The following XKR6 variants were observed in gnomAD, a reference collection of about 807,000 sequenced individuals.
The protein encoded by XKR6 is XK-related protein 6.
Under a neutral mutation model 56.7 loss-of-function variants are expected in XKR6, and 22 were observed. The ratio of observed to expected loss-of-function variants is 0.39; its 90% CI spans 0.28 to 0.55. The LOEUF (loss-of-function observed/expected upper bound fraction) is 0.55. XKR6 is among the 20% of genes least tolerant of loss of function. XKR6 has a pLI of 0.66. For synonymous variants in XKR6, 524 were observed against 387.8 expected, an observed-to-expected ratio of 1.35 and a Z score of -4.13; for missense variants, 852 against 889.0, an observed-to-expected ratio of 0.96 and a Z score of 0.53.
intron 1 of XKR6, among the ~76,000 whole-genome samples, chr8:11,093,227 G>A (rs553972391): frequency 2.0e-5 from 3 of 151,880 alleles, no homozygotes; most frequent in Non-Finnish European, 1.5e-5. Context: ...GGCTAATTTT[G>A]TATTTTTAGT....
At chr8:11,189,625 A>G (rs1803445668) in intron 1 of XKR6, among the ~76,000 whole-genome samples, 1 of 152,178 alleles carries the variant, frequency 6.6e-6, no homozygotes, top group African/African-American at 2.4e-5. Context: ...TTCCCAAGCA[A>G]TTCTAACATA....
intron 1 of XKR6, among the ~76,000 whole-genome samples, chr8:11,029,767 G>T (rs984846490): frequency 1.3e-5 from 2 of 151,988 alleles, no homozygotes; most frequent in Admixed American, 1.3e-4. Context: ...CCTTTAGCCA[G>T]TCCCCTGGAA....
chr8:11,110,760 C>G (rs993047577), intron 1 of XKR6, among the ~76,000 whole-genome samples: 4 of 152,110 alleles, frequency 2.6e-5, no homozygotes, highest in Non-Finnish European at 5.9e-5. Context: ...TTCCAATGGT[C>G]GAGAACACAT....
intron 1 of XKR6, among the ~76,000 whole-genome samples, chr8:11,110,795 A>T (rs974003539): frequency 5.3e-5 from 8 of 152,018 alleles, no homozygotes; most frequent in Admixed American, 4.6e-4. Flanking sequence ...AAAGTAGCCC[A>T]CAGTTTTAAA....
chr8:11,044,379 A>G (rs1799356842), intron 1 of XKR6, among the ~76,000 whole-genome samples: 1 of 152,192 alleles, frequency 6.6e-6, no homozygotes, highest in South Asian at 2.1e-4. Context: ...CAACCCCTTC[A>G]GCAAAAAAGT....
At chr8:10,952,514 C>A (rs538933066) in intron 1 of XKR6, among the ~76,000 whole-genome samples, 1 of 152,274 alleles carries the variant, frequency 6.6e-6, no homozygotes, top group Non-Finnish European at 1.5e-5. Flanking sequence ...AGTGCAGGGG[C>A]AAGATCACAG....
At chr8:11,109,362 C>T (rs529975616) in intron 1 of XKR6, 1 of 152,176 alleles carries the variant, frequency 6.6e-6, no homozygotes, top group African/African-American at 2.4e-5. Context: ...ATCTAATATA[C>T]TTATTTTTAG....
intron 1 of XKR6, among the ~76,000 whole-genome samples, chr8:11,082,700 G>A (rs1797764568): frequency 6.6e-6 from 1 of 152,206 alleles, no homozygotes; most frequent in Non-Finnish European, 1.5e-5. Flanking sequence ...TTAGGACCCT[G>A]GCTTTCCTCA....
At chr8:11,128,687 T>C in intron 1 of XKR6, 1 of 380,276 alleles carries the variant, frequency 2.6e-6, no homozygotes, top group Non-Finnish European at 5.2e-6. Context: ...TACCCTGATG[T>C]TGTTAAATGG....
chr8:11,149,554 GA>G (rs1586617873), intron 1 of XKR6, among the ~76,000 whole-genome samples: 1 of 150,972 alleles, frequency 6.6e-6, no homozygotes, highest in Non-Finnish European at 1.5e-5. Context: ...TTTGTAATAT[GA>G]AAAAAATATT....
At chr8:11,132,121 G>A (rs748821708) in intron 1 of XKR6, among the ~76,000 whole-genome samples, 1 of 152,146 alleles carries the variant, frequency 6.6e-6, no homozygotes, top group East Asian at 1.9e-4. Context: ...CTGGTGCAGC[G>A]CCCTAAAATT....
At chr8:11,176,836 T>C (rs1802682140) in intron 1 of XKR6, among the ~76,000 whole-genome samples, 1 of 152,172 alleles carries the variant, frequency 6.6e-6, no homozygotes, top group Non-Finnish European at 1.5e-5. Context: ...TTTAGGTAGC[T>C]GGACGCTGGG....
chr8:11,133,007 G>A (rs187547401), intron 1 of XKR6, among the ~76,000 whole-genome samples: 122 of 152,162 alleles, frequency 8.0e-4, no homozygotes, highest in Admixed American at 3.3e-4. Flanking sequence ...AATCTTGTAA[G>A]AAAAATGGCA....
chr8:11,078,282 A>T (rs982131942), intron 1 of XKR6, among the ~76,000 whole-genome samples: 3 of 152,196 alleles, frequency 2.0e-5, no homozygotes, highest in Non-Finnish European at 4.4e-5. Flanking sequence ...GTCAACTTCA[A>T]TTGGCACCAT....
chr8:11,174,785 C>T (rs2117060876), intron 1 of XKR6, among the ~76,000 whole-genome samples: 1 of 152,196 alleles, frequency 6.6e-6, no homozygotes, highest in East Asian at 1.9e-4. Context: ...TACTAGAGGG[C>T]TTCTCATTAT....
intron 1 of XKR6, among the ~76,000 whole-genome samples, chr8:11,102,930 G>T (rs534006668): frequency 6.6e-6 from 1 of 152,278 alleles, no homozygotes; most frequent in South Asian, 2.1e-4. Context: ...ACCTCATGAG[G>T]AAAGACAGCC....
At chr8:11,192,738 A>C (rs1376936006) in intron 1 of XKR6, among the ~76,000 whole-genome samples, 3 of 152,194 alleles carry the variant, frequency 2.0e-5, no homozygotes, top group Non-Finnish European at 4.4e-5. Context: ...TCCCTGGCCC[A>C]ACTCCCTGAG....
chr8:10,930,092 G>A (rs1429742460), intron 1 of XKR6, among the ~76,000 whole-genome samples: 4 of 152,074 alleles, frequency 2.6e-5, no homozygotes, highest in Non-Finnish European at 5.9e-5. Flanking sequence ...AGAAGGTCTC[G>A]TCCAAACTAT....
intron 1 of XKR6, among the ~76,000 whole-genome samples, chr8:11,178,365 G>C (rs1195089398): frequency 1.3e-5 from 2 of 151,850 alleles, no homozygotes; most frequent in Admixed American, 6.6e-5. Context: ...ATTATCTCAT[G>C]AGTCTTATGT....
Sources: gnomAD v4.1 joint callset for allele counts (sites outside exome capture counted in the v4.1 genomes callset) on GRCh38, gnomAD v4.1.1 for gene constraint, MANE v1.5 for transcripts, NCBI Gene and HGNC (gene_info 2026-07-23, HGNC 2026-07-21) for gene names.